SNTB1: variants seen among roughly 807,000 people sequenced by gnomAD.
SNTB1 encodes the protein beta-1-syntrophin.
In SNTB1, 36 loss-of-function variants were observed where a neutral mutation model predicts 48.9. The observed-to-expected ratio is 0.74, with a 90% CI of 0.56 to 0.97. The LOEUF (loss-of-function observed/expected upper bound fraction) is 0.97. SNTB1 is among the 50% of genes least tolerant of loss of function. SNTB1 has a pLI of 0.00. For missense variants in SNTB1, 786 were observed against 703.4 expected, an observed-to-expected ratio of 1.12 and a Z score of -1.33; for synonymous variants, 299 against 294.6, an observed-to-expected ratio of 1.01 and a Z score of -0.15.
At chr8:120,691,175 T>C (rs966862167) in intron 2 of SNTB1, among the ~76,000 whole-genome samples, 1 of 152,166 alleles carries the variant, frequency 6.6e-6, no homozygotes, top group African/African-American at 2.4e-5. Flanking sequence ...GACCTGGGAG[T>C]GCTGTTGTAG....
At chr8:120,740,161 T>C (rs1398192168) in intron 1 of SNTB1, among the ~76,000 whole-genome samples, 1 of 152,182 alleles carries the variant, frequency 6.6e-6, no homozygotes, top group African/African-American at 2.4e-5. Flanking sequence ...CTCTTATATA[T>C]TTGGCTGAAG....
At chr8:120,691,635 C>T (rs1440752008) in intron 2 of SNTB1, among the ~76,000 whole-genome samples, 1 of 152,168 alleles carries the variant, frequency 6.6e-6, no homozygotes, top group Admixed American at 6.5e-5. Context: ...CCAATAACAT[C>T]ACCAGTTCTT....
At chr8:120,781,521 A>T (rs773097927) in intron 1 of SNTB1, among the ~76,000 whole-genome samples, 1 of 152,230 alleles carries the variant, frequency 6.6e-6, no homozygotes, top group Non-Finnish European at 1.5e-5. Context: ...ACAAAGTCAC[A>T]AAAAGACTAA....
chr8:120,767,545 T>C (rs1440435180), intron 1 of SNTB1, among the ~76,000 whole-genome samples: 3 of 152,194 alleles, frequency 2.0e-5, no homozygotes, highest in African/African-American at 7.2e-5. Flanking sequence ...GATCTAGTGG[T>C]ATAGCTGTTT....
chr8:120,711,321 A>G (rs1252285747), intron 1 of SNTB1, among the ~76,000 whole-genome samples: 1 of 131,738 alleles, frequency 7.6e-6, no homozygotes, highest in Non-Finnish European at 1.6e-5. Context: ...CATAATTTAA[A>G]AAATCATTAA....
chr8:120,655,594 T>TTAATCA (rs1366989878), intron 2 of SNTB1, among the ~76,000 whole-genome samples: 2 of 152,338 alleles, frequency 1.3e-5, no homozygotes, highest in South Asian at 2.1e-4. Flanking sequence ...AGCCCATGTC[T>TTAATCA]TAATCATTAT....
intron 3 of SNTB1, among the ~76,000 whole-genome samples, chr8:120,606,199 G>A (rs1329700323): frequency 7.1e-6 from 1 of 141,262 alleles, no homozygotes; most frequent in Non-Finnish European, 1.6e-5. Context: ...TATATCATAT[G>A]TTATATGATA....
In SNTB1 at chr8:120,538,961, G is replaced by A. The variant is rs1362777939; in HGVS notation, c.1533C>T (p.Asp511=). 1 of 1,609,814 alleles carries A rather than the reference G, an allele frequency of 6.2e-7. No homozygotes were observed. The highest frequency in any genetic ancestry group is 1.1e-5 in the South Asian group (1 of 90,164). ...FGGKDGEIQL[D]LHSCPKPIVF... is the part of the protein sequence containing the mutation. ...CAATTGGCTTGGGGCAGGAATGAAG[G>A]TCCAGTTGCTGAAATTTAAAAAGAA... Residue 511 remains aspartate (D), a synonymous_variant, in exon 7 of 7, where the codon GAC becomes GAT. Coordinates refer to ENST00000517992, the MANE Select transcript of SNTB1 (RefSeq NM_021021.4).
chr8:120,549,045 A>T, intron 4 of SNTB1, 87 bp from the exon 5 acceptor site: 12 of 1,065,886 alleles, frequency 1.1e-5, no homozygotes, highest in Non-Finnish European at 1.6e-5. Context: ...CAAATTGGTG[A>T]TCTGCTCTCA....
At chr8:120,613,945 A>T (rs1242742384) in intron 3 of SNTB1, among the ~76,000 whole-genome samples, 1 of 152,262 alleles carries the variant, frequency 6.6e-6, no homozygotes, top group East Asian at 1.9e-4. Context: ...TTATATGGGG[A>T]TCTAAAGTTT....
intron 5 of SNTB1, among the ~76,000 whole-genome samples, chr8:120,545,376 G>T (rs1307949923): frequency 6.6e-6 from 1 of 152,064 alleles, no homozygotes; most frequent in Non-Finnish European, 1.5e-5. Flanking sequence ...TGGGTGACCA[G>T]GAAGTTGCAC....
intron 3 of SNTB1, among the ~76,000 whole-genome samples, chr8:120,627,936 A>G (rs1306995530): frequency 6.6e-6 from 1 of 152,250 alleles, no homozygotes; most frequent in East Asian, 1.9e-4. Context: ...CTACAAGTTT[A>G]CCTCATTGGA....
chr8:120,594,299 G>A (rs1479446705), intron 3 of SNTB1, among the ~76,000 whole-genome samples: 1 of 152,052 alleles, frequency 6.6e-6, no homozygotes, highest in African/African-American at 2.4e-5. Context: ...GTGCAATGGT[G>A]CAGTCTCAGC....
chr8:120,701,228 A>C (rs934472628), intron 1 of SNTB1, among the ~76,000 whole-genome samples: 1 of 152,226 alleles, frequency 6.6e-6, no homozygotes, highest in Non-Finnish European at 1.5e-5. Context: ...TATGTTTCTC[A>C]GAAGTTATAG....
chr8:120,682,101 TA>T lies in SNTB1; in HGVS notation c.788+11590del, dbSNP rs201392647. 6.4e-4 allele frequency among the ~76,000 whole-genome samples: 93 copies of T among 145,810 alleles called. 2 individuals carry two copies. Among genetic ancestry groups the T allele is most frequent in the African/African-American group, 1.5e-3 (57 of 39,238 alleles). Reference sequence around the variant, plus strand: ...TCATGAGAAGGATTAAAAAATAAAGTAAAAAAAAAGGTAATGTAAGCAATAG... The same window carrying T: ...TCATGAGAAGGATTAAAAAATAAAGTAAAAAAAAGGTAATGTAAGCAATAG... On this transcript the variant is annotated intron_variant, in intron 2 of 6. Transcript: ENST00000517992.
intron 1 of SNTB1, among the ~76,000 whole-genome samples, chr8:120,782,920 C>T (rs1262198198): frequency 6.6e-6 from 1 of 152,158 alleles, no homozygotes; most frequent in Non-Finnish European, 1.5e-5. Context: ...CTTTGATTTC[C>T]AGTCAACTCT....
intron 3 of SNTB1, among the ~76,000 whole-genome samples, chr8:120,591,931 A>C (rs1293771503): frequency 6.6e-6 from 1 of 152,236 alleles, no homozygotes; most frequent in Non-Finnish European, 1.5e-5. Context: ...ATGATATCAC[A>C]AATAAAAAAT....
At chr8:120,744,121 A>ATTTTTTTTTTTTTT (rs35604534) in intron 1 of SNTB1, among the ~76,000 whole-genome samples, 4 of 136,152 alleles carry the variant, frequency 2.9e-5, no homozygotes, top group East Asian at 2.3e-4. Context: ...CCCTGTCTCA[A>ATTTTTTTTTTTTTT]TTTTTTTTTT....
At chr8:120,620,222 C>A (rs1816773087) in intron 3 of SNTB1, among the ~76,000 whole-genome samples, 1 of 152,190 alleles carries the variant, frequency 6.6e-6, no homozygotes, top group South Asian at 2.1e-4. Context: ...GAGCTGACTG[C>A]CCTCATCTGC....
Sources: gnomAD v4.1 joint callset for allele counts (sites outside exome capture counted in the v4.1 genomes callset) on GRCh38, gnomAD v4.1.1 for gene constraint, MANE v1.5 for transcripts, NCBI Gene and HGNC (gene_info 2026-07-23, HGNC 2026-07-21) for gene names.